Variants in HMCN1 observed in about 807,000 individuals in gnomAD.
The protein encoded by HMCN1 is hemicentin-1.
In HMCN1, 321 loss-of-function variants were observed where a neutral mutation model predicts 625.9. The ratio of observed to expected loss-of-function variants is 0.51; its 90% CI spans 0.47 to 0.56. The LOEUF is 0.56. Among genes scored for constraint, HMCN1 ranks in the 20% least tolerant of loss-of-function variants. The pLI, the probability that HMCN1 is intolerant of heterozygous loss-of-function variation, is 0.00. For missense variants in HMCN1, 6,588 were observed against 6,887.3 expected, an observed-to-expected ratio of 0.96 and a Z score of 1.54; for synonymous variants, 2,425 against 2,417.6, an observed-to-expected ratio of 1.00 and a Z score of -0.09.
At chr1:185,898,028 T>A (rs1665584005) in intron 4 of HMCN1, among the ~76,000 whole-genome samples, 1 of 152,010 alleles carries the variant, frequency 6.6e-6, no homozygotes, top group African/African-American at 2.4e-5. Context: ...CAAAACTGAA[T>A]TTTTTCAGTT....
chr1:186,176,882 G>A (rs2102650431), intron 103 of HMCN1: 1 of 152,652 alleles, frequency 6.6e-6, no homozygotes, highest in Middle Eastern at 3.3e-3. Context: ...CAAAAGGAAA[G>A]AGCAGGCCAG....
intron 100 of HMCN1, among the ~76,000 whole-genome samples, chr1:186,170,688 T>C (rs1000406214): frequency 6.6e-6 from 1 of 152,092 alleles, no homozygotes; most frequent in Non-Finnish European, 1.5e-5. Context: ...GGACTTTTCT[T>C]CAGTGAGAGA....
At chr1:186,075,227 A>G (rs993189415) in intron 53 of HMCN1, among the ~76,000 whole-genome samples, 1 of 152,150 alleles carries the variant, frequency 6.6e-6, no homozygotes, top group African/African-American at 2.4e-5. Flanking sequence ...AAAGTAGTAC[A>G]GTACAGAATT....
chr1:186,006,101 A>C (rs979613268), intron 29 of HMCN1, among the ~76,000 whole-genome samples: 2 of 149,632 alleles, frequency 1.3e-5, no homozygotes, highest in Non-Finnish European at 3.0e-5. Context: ...GCACCATTGC[A>C]CTCCAGCCTG....
intron 1 of HMCN1, among the ~76,000 whole-genome samples, chr1:185,817,603 TGA>T (rs1659922477): frequency 1.3e-5 from 2 of 152,240 alleles, no homozygotes; most frequent in South Asian, 4.1e-4. Context: ...TTCTAAATTC[TGA>T]AAGTCACTGG....
intron 48 of HMCN1, among the ~76,000 whole-genome samples, chr1:186,064,667 G>T (rs1042622731): frequency 6.6e-6 from 1 of 151,680 alleles, no homozygotes; most frequent in Non-Finnish European, 1.5e-5. Flanking sequence ...AAAATTAGCC[G>T]GGTGTGGTAG....
At chr1:185,847,225 G>A (rs995593378) in intron 2 of HMCN1, among the ~76,000 whole-genome samples, 11 of 151,818 alleles carry the variant, frequency 7.2e-5, no homozygotes, top group Non-Finnish European at 1.6e-4. Flanking sequence ...GACCTCAACT[G>A]TCTGCATTAT....
rs1014685789 is a variant in HMCN1 at position 186,189,749 on chromosome 1, A to G, written c.16779A>G (p.Thr5593=). The G allele has an allele frequency of 3.3e-5, 54 of 1,613,638 alleles. No individual in the cohort carries two copies. Among genetic ancestry groups the G allele is most frequent in the Non-Finnish European group, 4.4e-5 (52 of 1,179,832 alleles). Residue 5593 remains threonine (T), a synonymous_variant, in exon 107 of 107, where the codon ACA becomes ACG. Transcript: ENST00000271588. ...RDENLKGVVY[T]TRPLREAETY... ...AAAACCTGAAAGGAGTGGTGTATAC[A>G]ACACGACCACTACGAGAAGCAGAGA...
Position 186,039,754 on chromosome 1 carries a change from A to G in HMCN1, c.6055A>G (p.Asn2019Asp). 1 of 1,613,568 alleles carries G rather than the reference A, an allele frequency of 6.2e-7. No homozygotes were observed. Among genetic ancestry groups the G allele is most frequent in the Non-Finnish European group, 8.5e-7 (1 of 1,179,614 alleles). The change falls in exon 39 of 107, where the codon AAC (asparagine) becomes GAC (aspartate). Residue 2019 changes from asparagine (N) to aspartate (D), a missense_variant. Around this residue, in one of 3 missense-constraint regions of HMCN1, gnomAD observed 4,628 missense variants for 4,853.1 expected, o/e 0.95. Coordinates refer to ENST00000271588, the MANE Select transcript of HMCN1 (RefSeq NM_031935.3). Reference protein sequence around the residue: ...HVAPSISGSNNMVAVVVNNPV... With the variant: ...HVAPSISGSNDMVAVVVNNPV... ...GGCCCCATCAATTTCTGGCAGCAAT[A>G]ACATGGTGGCAGTGGTGGTTAATAA...
chr1:185,812,806 C>CT (rs145775942), intron 1 of HMCN1, among the ~76,000 whole-genome samples: 8,970 of 151,992 alleles, frequency 0.059, 896 homozygotes, highest in African/African-American at 0.2. Flanking sequence ...CAATCCCCCC[C>CT]CACACACATT....
At chr1:185,927,461 A>G (rs1667335884) in intron 9 of HMCN1, among the ~76,000 whole-genome samples, 1 of 152,214 alleles carries the variant, frequency 6.6e-6, no homozygotes, top group Non-Finnish European at 1.5e-5. Flanking sequence ...TTTCTCAGCT[A>G]CTAAAACATA....
At chr1:185,970,655 GCTTT>G (rs2101970101) in intron 15 of HMCN1, among the ~76,000 whole-genome samples, 162 bp downstream of exon 15, 1 of 151,226 alleles carries the variant, frequency 6.6e-6, no homozygotes, top group Non-Finnish European at 1.5e-5. Flanking sequence ...TTTACTAGGT[GCTTT>G]CTTTCTTTTT....
chr1:186,174,890 CAA>C (rs1321149432), intron 103 of HMCN1, among the ~76,000 whole-genome samples: 1 of 152,176 alleles, frequency 6.6e-6, no homozygotes, highest in Non-Finnish European at 1.5e-5. Flanking sequence ...CCACACATAT[CAA>C]AGTGAGGTTC....
At chr1:186,011,575 C>G (rs954317767) in intron 30 of HMCN1, among the ~76,000 whole-genome samples, 3 of 152,212 alleles carry the variant, frequency 2.0e-5, no homozygotes, top group African/African-American at 7.2e-5. Context: ...TCAAAGATAA[C>G]TAAATTTTGA....
chr1:186,061,631 A>G (rs1553285226), intron 46 of HMCN1, among the ~76,000 whole-genome samples: 1 of 152,258 alleles, frequency 6.6e-6, no homozygotes, highest in East Asian at 1.9e-4. Context: ...ACCTAACATT[A>G]TATTTATTTT....
rs956381128 is a variant in HMCN1, at chr1:185,866,473, C to G, written c.621+610C>G. Reference sequence around the variant, plus strand: ...AGGCTGGAGTGCAGTGGCACAATCTCAGCTCACTGCGAGCTCTGCCTCCTG... The same window carrying G: ...AGGCTGGAGTGCAGTGGCACAATCTGAGCTCACTGCGAGCTCTGCCTCCTG... On this transcript the variant is annotated intron_variant, in intron 4 of 106. Transcript: ENST00000271588. Among the ~76,000 whole-genome samples, 26 of 141,978 alleles carry G rather than the reference C, an allele frequency of 1.8e-4. 1 individual carries two copies. The highest frequency in any genetic ancestry group is 7.4e-5 in the Admixed American group (1 of 13,460). The allele number at this position is 141,978 out of a possible 152,430, so 93.1% of individuals were successfully genotyped here. A position where few individuals can be genotyped will look rare whatever the true frequency, so the allele number is the denominator to read the frequency against.
intron 53 of HMCN1, among the ~76,000 whole-genome samples, chr1:186,075,840 G>A (rs1195762133): frequency 6.6e-6 from 1 of 152,024 alleles, no homozygotes; most frequent in Non-Finnish European, 1.5e-5. Flanking sequence ...AATTTTCTAA[G>A]GGTGGAAATT....
At chr1:186,186,084 C>T (rs1190245933) in intron 105 of HMCN1, among the ~76,000 whole-genome samples, 1 of 152,136 alleles carries the variant, frequency 6.6e-6, no homozygotes, top group Non-Finnish European at 1.5e-5. Context: ...TTCATGAAAA[C>T]TTCAGAGCTT....
chr1:186,176,504 T>C (rs1652589026), intron 103 of HMCN1, among the ~76,000 whole-genome samples: 1 of 152,202 alleles, frequency 6.6e-6, no homozygotes. Context: ...ATATGATCTT[T>C]TTTGTTTCTA....
Sources: gnomAD v4.1 joint callset for allele counts (sites outside exome capture counted in the v4.1 genomes callset) on GRCh38, gnomAD v4.1.1 for gene constraint, gnomAD v4.1.1 regional missense constraint, MANE v1.5 for transcripts, NCBI Gene and HGNC (gene_info 2026-07-23, HGNC 2026-07-21) for gene names.